KCTD10: variants seen among roughly 807,000 people sequenced by gnomAD.
KCTD10 encodes the protein potassium channel tetramerization domain containing 10.
In KCTD10, 13 loss-of-function variants were observed where a neutral mutation model predicts 34.6. The observed-to-expected ratio is 0.38, with a 90% CI of 0.24 to 0.60. The LOEUF (loss-of-function observed/expected upper bound fraction) is 0.60. Ranked by LOEUF, KCTD10 falls within the 20% of genes least tolerant of loss-of-function variation. The pLI, the probability that KCTD10 is intolerant of heterozygous loss-of-function variation, is 0.66. For synonymous variants in KCTD10, 156 were observed against 168.8 expected (o/e 0.92, Z 0.59); for missense variants, 256 against 420.3 (o/e 0.61, Z 3.42).
At chr12:109,453,710 C>T (rs141720455) in intron 6 of KCTD10, among the ~76,000 whole-genome samples, 2,084 of 152,236 alleles carry the variant, frequency 0.014, 28 homozygotes, top group Non-Finnish European at 0.017. Flanking sequence ...GGGGAATAAC[C>T]AAACCCCCAG....
rs769646933 is a variant in KCTD10 at position 109,451,703 on chromosome 12, C to T, written c.834G>A (p.Ala278=). ...CGTCCAGGTGGTGGGAGCGCCCCGCCGCCCCGCCTGTGGCCTCCAGGAGCG... is the reference window on the plus strand; with the variant it reads ...CGTCCAGGTGGTGGGAGCGCCCCGCTGCCCCGCCTGTGGCCTCCAGGAGCG... ...DNALLEATGG[A]AGRSHHLDED... Residue 278 remains alanine (A), a synonymous_variant, in exon 7 of 7, where the codon GCG becomes GCA. Coordinates refer to ENST00000228495, the MANE Select transcript of KCTD10 (RefSeq NM_031954.5). This position sits in a 1 kb window ranked among gnomAD's most constrained non-coding sequence, Gnocchi z 5.0. The T allele has an allele frequency of 1.8e-5, 29 of 1,613,952 alleles. No individual in the cohort carries two copies. The highest frequency in any genetic ancestry group is 7.7e-5 in the South Asian group (7 of 91,062).
In KCTD10 at chr12:109,460,633, T is replaced by C; in HGVS notation, c.387+3A>G. 1 of 1,612,844 alleles carries C rather than the reference T, an allele frequency of 6.2e-7. No individual in the cohort carries two copies. The highest frequency in any genetic ancestry group is 8.5e-7 in the Non-Finnish European group (1 of 1,179,134). On this transcript the variant is annotated splice_donor_region_variant and intron_variant, in intron 3 of 6. Coordinates refer to ENST00000228495, the MANE Select transcript of KCTD10 (RefSeq NM_031954.5). The surrounding 1 kb of genome is among the most constrained non-coding windows in gnomAD (Gnocchi z 4.5). ...CCATATGGGAAGAAAGGGTGATGCC[T>C]ACTTGTAGGGCCGCCTGGCACTCTT...
At chr12:109,462,956 A>G (rs767069643) in intron 2 of KCTD10, among the ~76,000 whole-genome samples, 1 of 152,144 alleles carries the variant, frequency 6.6e-6, no homozygotes, top group African/African-American at 2.4e-5. Context: ...GAAAGACCGT[A>G]TTATCTTTCT....
chr12:109,475,589 T>C (rs530746485), intron 1 of KCTD10, among the ~76,000 whole-genome samples: 2 of 152,304 alleles, frequency 1.3e-5, no homozygotes, highest in South Asian at 4.1e-4. Flanking sequence ...CACTAGTGTT[T>C]AAAAAGCTCT....
chr12:109,451,306 T>C lies in KCTD10; in HGVS notation c.*289A>G. 2.3e-6 allele frequency: 1 copy of C among 430,946 alleles called. No homozygotes were observed. Among genetic ancestry groups the C allele is most frequent in the African/African-American group, 2.0e-5 (1 of 49,808 alleles). 26.7% of individuals were successfully genotyped at this position (430,946 alleles called of 1,614,324 possible). On this transcript the variant is annotated 3_prime_UTR_variant, in exon 7 of 7. Coordinates refer to ENST00000228495, the MANE Select transcript of KCTD10 (RefSeq NM_031954.5). The surrounding 1 kb of genome is among the most constrained non-coding windows in gnomAD (Gnocchi z 5.0). ...AGTTCTCACATACACTTCACACTCATTCATACTTTTCCTCTGAGAACCGAG... is the reference window on the plus strand; with the variant it reads ...AGTTCTCACATACACTTCACACTCACTCATACTTTTCCTCTGAGAACCGAG...
intron 2 of KCTD10, among the ~76,000 whole-genome samples, chr12:109,466,202 A>C (rs868484946): frequency 4.6e-4 from 70 of 152,310 alleles, no homozygotes; most frequent in Middle Eastern, 6.8e-3. Flanking sequence ...AGGCCAAGGC[A>C]GGCAGCCTCT....
At chr12:109,475,290 A>G (rs374533679) in intron 1 of KCTD10, among the ~76,000 whole-genome samples, 145 of 152,100 alleles carry the variant, frequency 9.5e-4, no homozygotes, top group East Asian at 9.5e-3. Context: ...CCTGAGCAAC[A>G]TAAGACCTAA....
At chr12:109,477,158 C>G (rs1874411354) in intron 1 of KCTD10, 102 bp downstream of exon 1, 1 of 1,448,404 alleles carries the variant, frequency 6.9e-7, no homozygotes, top group Admixed American at 1.9e-5. Flanking sequence ...TCGTGACTGC[C>G]CCTCATCACA....
At position 109,471,306 on chromosome 12, in the gene KCTD10, C is replaced by T. The variant is rs1462925590; in HGVS notation, c.4-1578G>A. 4.1e-6 allele frequency: 4 copies of T among 985,346 alleles called. No homozygotes were observed. The African/African-American group carries it at 7.0e-5, about 17-fold the overall frequency. 61.0% of individuals were successfully genotyped at this position (985,346 alleles called of 1,614,324 possible). A position where few individuals can be genotyped will look rare whatever the true frequency, so the allele number is the denominator to read the frequency against. On this transcript the variant is annotated intron_variant, in intron 1 of 6. Transcript: ENST00000228495. ...CAATATTCAATTCAAGGTTATCCAA[C>T]TCTTCTGGCCAACTCTCCCCAACTC...
At chr12:109,459,077 G>A (rs1873177685) in intron 3 of KCTD10, 1 of 152,316 alleles carries the variant, frequency 6.6e-6, no homozygotes, top group African/African-American at 2.4e-5. Context: ...GGAGAAGAAA[G>A]AAAACAAACA....
At chr12:109,457,375 A>G (rs555968306) in intron 5 of KCTD10, 19 of 384,724 alleles carry the variant, frequency 4.9e-5, no homozygotes, top group African/African-American at 3.9e-4. Context: ...TTATGGCCTC[A>G]CAACTTGTGA....
chr12:109,464,112 A>C (rs528386144), intron 2 of KCTD10, among the ~76,000 whole-genome samples: 30 of 151,672 alleles, frequency 2.0e-4, no homozygotes, highest in Non-Finnish European at 3.7e-4. Flanking sequence ...CCCCTCTCCC[A>C]CCACCTCCAG....
intron 2 of KCTD10, among the ~76,000 whole-genome samples, chr12:109,462,792 G>A (rs1187732162): frequency 2.6e-5 from 4 of 152,100 alleles, no homozygotes; most frequent in African/African-American, 7.2e-5. Flanking sequence ...TTTAAAGGAC[G>A]GTAAACTAAT....
intron 5 of KCTD10, 64 bp from the exon 6 acceptor site, chr12:109,456,377 C>G: frequency 6.8e-7 from 1 of 1,463,714 alleles, no homozygotes; most frequent in Non-Finnish European, 9.5e-7. Flanking sequence ...TTGCTGGGCC[C>G]TTCTACACGC....
At chr12:109,470,117 T>C in intron 1 of KCTD10, 1 of 1,037,494 alleles carries the variant, frequency 9.6e-7, no homozygotes, top group Non-Finnish European at 1.2e-6. Flanking sequence ...CTAGCACCTG[T>C]ATACATGAAC....
intron 1 of KCTD10, chr12:109,471,518 G>A (rs867234566): frequency 1.2e-5 from 7 of 600,734 alleles, no homozygotes; most frequent in Middle Eastern, 8.2e-4. Flanking sequence ...TTTGCTGCCC[G>A]ATGCCAAACA....
At chr12:109,452,583 C>T (rs938595319) in intron 6 of KCTD10, among the ~76,000 whole-genome samples, 21 of 152,370 alleles carry the variant, frequency 1.4e-4, no homozygotes, top group African/African-American at 4.6e-4. Flanking sequence ...GTCTTCCTCA[C>T]TGACACTACA....
At chr12:109,467,822 T>G (rs954678070) in intron 2 of KCTD10, among the ~76,000 whole-genome samples, 1 of 151,898 alleles carries the variant, frequency 6.6e-6, no homozygotes, top group South Asian at 2.1e-4. Flanking sequence ...AGGTGAGCAG[T>G]CCTGCCAGTA....
chr12:109,477,273 A>T lies in KCTD10; in HGVS notation c.-11T>A. ...CGCCCTCCCTACCATGAAAAGTCGG[A>T]GGACGCAGGAGTCTCCAAACCCGGA... On this transcript the variant is annotated 5_prime_UTR_variant, in exon 1 of 7. Coordinates refer to ENST00000228495, the MANE Select transcript of KCTD10 (RefSeq NM_031954.5). 1.2e-6 allele frequency: 2 copies of T among 1,613,940 alleles called. No homozygotes were observed.
Sources: allele counts gnomAD v4.1 joint callset (sites outside exome capture counted in the v4.1 genomes callset), GRCh38; gene constraint gnomAD v4.1.1; non-coding constraint Gnocchi (gnomAD v3.1); transcripts MANE v1.5; gene names NCBI Gene and HGNC (gene_info 2026-07-23, HGNC 2026-07-21).